TNIK: variants seen among roughly 807,000 people sequenced by gnomAD.
TNIK encodes the protein TRAF2 and NCK-interacting protein kinase.
TNIK carries 49 observed loss-of-function variants against 191.3 expected under a neutral mutation model. The observed-to-expected ratio is 0.26, with a 90% CI of 0.20 to 0.32. The LOEUF (loss-of-function observed/expected upper bound fraction) is 0.32, where lower values mean the gene tolerates loss of function less well. Ranked by LOEUF, TNIK falls within the 10% of genes least tolerant of loss-of-function variation. The pLI, the probability that TNIK is intolerant of heterozygous loss-of-function variation, is 1.00. For synonymous variants in TNIK, 594 were observed against 600.9 expected, an observed-to-expected ratio of 0.99 and a Z score of 0.17; for missense variants, 1,155 against 1,702.3, an observed-to-expected ratio of 0.68 and a Z score of 5.66.
intron 1 of TNIK, among the ~76,000 whole-genome samples, chr3:171,443,249 C>A (rs1727054988): frequency 6.6e-6 from 1 of 152,164 alleles, no homozygotes; most frequent in South Asian, 2.1e-4. Context: ...TCCACTGCTA[C>A]CCAGAGTATC....
intron 2 of TNIK, among the ~76,000 whole-genome samples, chr3:171,351,608 CA>C (rs1295136957): frequency 6.6e-6 from 1 of 152,162 alleles, no homozygotes; most frequent in Non-Finnish European, 1.5e-5. Flanking sequence ...GACAGAGTTT[CA>C]GGGCTATCAT....
At chr3:171,277,060 G>A (rs569711888) in intron 2 of TNIK, among the ~76,000 whole-genome samples, 4 of 152,246 alleles carry the variant, frequency 2.6e-5, no homozygotes, top group South Asian at 2.1e-4. Flanking sequence ...CTGCCCTCAC[G>A]AATGAATTAA....
rs531682595 is a variant in TNIK at position 171,301,522 on chromosome 3, C to G, written c.123+68098G>C. Among the ~76,000 whole-genome samples, 3 of 152,274 alleles carry G rather than the reference C, an allele frequency of 2.0e-5. No individual in the cohort carries two copies. The East Asian group carries it at 5.8e-4, about 29-fold the overall frequency. On this transcript the variant is annotated intron_variant, in intron 2 of 32. Coordinates refer to ENST00000436636, the MANE Select transcript of TNIK (RefSeq NM_015028.4). ...TAGAGATGGGGTTTCACCATATTGA[C>G]CAGGCTGGTCTCAAACTCCTGACTT...
intron 2 of TNIK, among the ~76,000 whole-genome samples, chr3:171,300,780 G>A (rs1231977553): frequency 6.6e-6 from 1 of 152,194 alleles, no homozygotes; most frequent in Non-Finnish European, 1.5e-5. Context: ...CAGGCATGAT[G>A]TTAGGCAGAA....
chr3:171,154,830 G>T lies in TNIK; in HGVS notation c.1221+2630C>A, dbSNP rs55823175. ...TGTTATAGGTTGTACTTCAACAATG[G>T]TCAAAAGCTGAGTCTTCTCTCCACC... On this transcript the variant is annotated intron_variant, in intron 12 of 32. Coordinates refer to ENST00000436636, the MANE Select transcript of TNIK (RefSeq NM_015028.4). 6.4e-3 allele frequency among the ~76,000 whole-genome samples: 972 copies of T among 152,282 alleles called. 15 individuals carry two copies. The highest frequency in any genetic ancestry group is 0.022 in the African/African-American group (922 of 41,532).
Position 171,108,090 on chromosome 3 carries a change from T to A in TNIK, c.2357A>T (p.Asp786Val). 1.3e-6 allele frequency: 2 copies of A among 1,573,724 alleles called. No homozygotes were observed. The highest frequency in any genetic ancestry group is 1.7e-6 in the Non-Finnish European group (2 of 1,158,418). The change falls in exon 20 of 33, where the codon GAC becomes GTC. Residue 786 changes from aspartate (D) to valine (V), a missense_variant. This residue lies in a region of TNIK where 735 missense variants were observed against 848.0 expected (regional missense o/e 0.87). Coordinates refer to ENST00000436636, the MANE Select transcript of TNIK (RefSeq NM_015028.4). ...PAKVKPEESR[D>V]ITRPSRPASY... ...AGCTGGTCGACTGGGCCGGGTAATG[T>A]CCCTGGATTCTTCTGGTTTCACCTT...
At chr3:171,176,489 A>G (rs1331095903) in intron 8 of TNIK, among the ~76,000 whole-genome samples, 3 of 152,210 alleles carry the variant, frequency 2.0e-5, no homozygotes, top group Non-Finnish European at 4.4e-5. Flanking sequence ...CAGTATGGGA[A>G]GTCATCAGAT....
chr3:171,430,118 G>A lies in TNIK; in HGVS notation c.57+29889C>T, dbSNP rs138482674. ...TTAAAAACTAGTGACATGAAATACC[G>A]CCTTACGTTGTTTGATCTTGTCAAC... On this transcript the variant is annotated intron_variant, in intron 1 of 32. Coordinates refer to ENST00000436636, the MANE Select transcript of TNIK (RefSeq NM_015028.4). 2.4e-3 allele frequency among the ~76,000 whole-genome samples: 367 copies of A among 152,164 alleles called. 4 individuals are homozygous for A. The highest frequency in any genetic ancestry group is 8.2e-3 in the African/African-American group (339 of 41,532).
At chr3:171,368,035 A>T (rs1262849756) in intron 2 of TNIK, among the ~76,000 whole-genome samples, 1 of 152,120 alleles carries the variant, frequency 6.6e-6, no homozygotes, top group Non-Finnish European at 1.5e-5. Flanking sequence ...AAGATCTGAG[A>T]CCTCTTGCCA....
At chr3:171,381,736 CT>C (rs1346070086) in intron 1 of TNIK, among the ~76,000 whole-genome samples, 3 of 152,284 alleles carry the variant, frequency 2.0e-5, no homozygotes, top group East Asian at 3.9e-4. Context: ...AGCAGAATTA[CT>C]GTGTGGGGCA....
At position 171,085,894 on chromosome 3, in the gene TNIK, G is replaced by A. The variant is rs185157127; in HGVS notation, c.2887-665C>T. 2.5e-3 allele frequency among the ~76,000 whole-genome samples: 378 copies of A among 152,264 alleles called. 2 individuals are homozygous for A. Among genetic ancestry groups the A allele is most frequent in the African/African-American group, 8.6e-3 (357 of 41,570 alleles). On this transcript the variant is annotated intron_variant, in intron 24 of 32. Transcript: ENST00000436636. Reference sequence around the variant, plus strand: ...CGTTTGTGAGCAATGTACCTTGAAGGCTTACTTTAAAAAATGAATCTTGGG... The same window carrying A: ...CGTTTGTGAGCAATGTACCTTGAAGACTTACTTTAAAAAATGAATCTTGGG...
At chr3:171,457,180 T>C (rs1472997796) in intron 1 of TNIK, among the ~76,000 whole-genome samples, 1 of 152,260 alleles carries the variant, frequency 6.6e-6, no homozygotes, top group East Asian at 1.9e-4. Context: ...TTTTAAACCA[T>C]GCAAATCTTG....
At chr3:171,336,878 T>C (rs1476034364) in intron 2 of TNIK, among the ~76,000 whole-genome samples, 1 of 152,164 alleles carries the variant, frequency 6.6e-6, no homozygotes, top group Admixed American at 6.6e-5. Context: ...TCAACTTTCC[T>C]TTTTGTTCAT....
chr3:171,305,155 C>T (rs905929349), intron 2 of TNIK, among the ~76,000 whole-genome samples: 1 of 151,750 alleles, frequency 6.6e-6, no homozygotes, highest in Non-Finnish European at 1.5e-5. Context: ...CAGCACTAGT[C>T]ACTTAGAGAG....
intron 19 of TNIK, among the ~76,000 whole-genome samples, chr3:171,110,126 G>A (rs1282525783): frequency 1.3e-5 from 2 of 152,106 alleles, no homozygotes; most frequent in African/African-American, 4.8e-5. Context: ...GGCTGATCTT[G>A]GAACTCCCGA....
chr3:171,128,755 G>A lies in TNIK; in HGVS notation c.1732C>T (p.Pro578Ser). ...CTGAGCATGGGGGGTGTTCGAGCAG[G>A]CTGAACTCCACTAATGCTGAAGGAC... ...SESFSISGVQPARTPPMLRPV... is the reference protein window; with the variant it reads ...SESFSISGVQSARTPPMLRPV... The change falls in exon 16 of 33, where the codon CCT becomes TCT. Residue 578 changes from proline (P) to serine (S), a missense_variant. By Grantham distance (74) the Pro-to-Ser change is moderately conservative. Transcript: ENST00000436636. 6.2e-7 allele frequency: 1 copy of A among 1,613,494 alleles called. No individual in the cohort carries two copies. The highest frequency in any genetic ancestry group is 1.1e-5 in the South Asian group (1 of 90,912).
At chr3:171,288,775 T>A (rs1751342438) in intron 2 of TNIK, among the ~76,000 whole-genome samples, 1 of 135,314 alleles carries the variant, frequency 7.4e-6, no homozygotes, top group African/African-American at 2.9e-5. Context: ...ACCACTGCAC[T>A]CCAGCGTGGA....
At chr3:171,094,089 G>T in intron 22 of TNIK, 121 bp from the exon 23 acceptor site, 2 of 1,284,526 alleles carry the variant, frequency 1.6e-6, no homozygotes, top group Non-Finnish European at 2.1e-6. Context: ...ATTTACCATT[G>T]TACCAATTTT....
At chr3:171,358,152 A>G (rs191996387) in intron 2 of TNIK, among the ~76,000 whole-genome samples, 39 of 152,344 alleles carry the variant, frequency 2.6e-4, no homozygotes, top group African/African-American at 9.4e-4. Flanking sequence ...GATACATTTA[A>G]GGTAAAGAGA....
Sources: allele counts gnomAD v4.1 joint callset (sites outside exome capture counted in the v4.1 genomes callset), GRCh38; gene constraint gnomAD v4.1.1; regional missense constraint gnomAD v4.1.1; transcripts MANE v1.5; gene names NCBI Gene and HGNC (gene_info 2026-07-23, HGNC 2026-07-21).